The following IL1RAPL1 variants were observed in gnomAD, a reference collection of about 807,000 sequenced individuals.
IL1RAPL1 encodes the protein interleukin 1 receptor accessory protein like 1, also known as interleukin-1 receptor accessory protein-like 1.
Under a neutral mutation model 48.4 loss-of-function variants are expected in IL1RAPL1, and 3 were observed. The observed-to-expected ratio is 0.06, with a 90% CI of 0.03 to 0.16. IL1RAPL1 has a LOEUF of 0.16. Ranked by LOEUF, IL1RAPL1 falls within the 10% of genes least tolerant of loss-of-function variation. IL1RAPL1 has a pLI of 1.00. For synonymous variants in IL1RAPL1, 185 were observed against 187.7 expected, an observed-to-expected ratio of 0.99 and a Z score of 0.12; for missense variants, 349 against 530.6, an observed-to-expected ratio of 0.66 and a Z score of 3.36.
intron 1 of IL1RAPL1, among the ~76,000 whole-genome samples, chrX:28,597,155 G>C (rs1933964337): frequency 1.8e-5 from 2 of 111,327 alleles, no homozygotes; most frequent in African/African-American, 6.5e-5. Flanking sequence ...AAGAAGATAA[G>C]GCTGGAGCCC....
intron 8 of IL1RAPL1, among the ~76,000 whole-genome samples, chrX:29,941,392 TACCA>T (rs1933125082): frequency 8.9e-6 from 1 of 112,182 alleles, no homozygotes; most frequent in South Asian, 3.7e-4. Flanking sequence ...AAATGCAAGC[TACCA>T]ACCAAGGTTC....
intron 2 of IL1RAPL1, among the ~76,000 whole-genome samples, chrX:29,240,102 A>G (rs1399547615): frequency 1.9e-5 from 2 of 102,965 alleles, no homozygotes; most frequent in Non-Finnish European, 3.9e-5. Flanking sequence ...AGCCTAAAAT[A>G]TTCACAGGTT....
At chrX:29,818,363 G>A (rs774705660) in intron 6 of IL1RAPL1, among the ~76,000 whole-genome samples, 3 of 111,923 alleles carry the variant, frequency 2.7e-5, no homozygotes, top group Non-Finnish European at 3.8e-5. Context: ...CGAAAATAAT[G>A]AATAGAATTC....
At chrX:28,858,816 C>T (rs776388032) in intron 2 of IL1RAPL1, among the ~76,000 whole-genome samples, 23 of 112,080 alleles carry the variant, frequency 2.1e-4, no homozygotes, top group South Asian at 7.4e-4. Flanking sequence ...ATGGTGATAA[C>T]GGAAAGCAAT....
At chrX:28,878,450 C>T (rs1351947503) in intron 2 of IL1RAPL1, among the ~76,000 whole-genome samples, 1 of 111,708 alleles carries the variant, frequency 9.0e-6, no homozygotes. Flanking sequence ...GGTTGTATGC[C>T]GACTCAGGCG....
chrX:28,801,231 T>C (rs1390536675), intron 2 of IL1RAPL1, among the ~76,000 whole-genome samples: 1 of 111,347 alleles, frequency 9.0e-6, no homozygotes, highest in South Asian at 3.7e-4. Context: ...TTATGCTTTT[T>C]CTATTTAGGT....
intron 2 of IL1RAPL1, among the ~76,000 whole-genome samples, chrX:28,962,150 G>T (rs61054892): frequency 0.043 from 4,814 of 111,456 alleles, 114 homozygotes; most frequent in East Asian, 0.07. Flanking sequence ...ATTTTGCTAT[G>T]AGACCTGTCT....
In IL1RAPL1 at chrX:29,593,152, G is replaced by C. The variant is rs745342430; in HGVS notation, c.704-75278G>C. Reference sequence around the variant, plus strand: ...GTTTTGCTCAGATGGGCCCTGCTTGGTTGTCGTATTAGCCTGAGTGTCTAA... The same window carrying C: ...GTTTTGCTCAGATGGGCCCTGCTTGCTTGTCGTATTAGCCTGAGTGTCTAA... On this transcript the variant is annotated intron_variant, in intron 5 of 10. Transcript: ENST00000378993. 1.6e-3 allele frequency among the ~76,000 whole-genome samples: 177 copies of C among 111,381 alleles called. 1 individual carries two copies. The highest frequency in any genetic ancestry group is 5.5e-3 in the African/African-American group (170 of 30,689).
At chrX:29,519,574 A>G (rs1035209422) in intron 5 of IL1RAPL1, among the ~76,000 whole-genome samples, 4 of 112,139 alleles carry the variant, frequency 3.6e-5, no homozygotes, top group Non-Finnish European at 7.5e-5. Context: ...CTACTTGGCT[A>G]CTATAGACAG....
At chrX:28,864,191 C>T (rs1922022130) in intron 2 of IL1RAPL1, among the ~76,000 whole-genome samples, 2 of 112,001 alleles carry the variant, frequency 1.8e-5, no homozygotes, top group South Asian at 7.3e-4. Flanking sequence ...CCTAGAAAAG[C>T]AGTGATTTAG....
At chrX:29,392,310 C>G in intron 3 of IL1RAPL1, among the ~76,000 whole-genome samples, 1 of 112,188 alleles carries the variant, frequency 8.9e-6, no homozygotes, top group African/African-American at 3.2e-5. Context: ...TTACCCCATT[C>G]CACGTTATTT....
intron 1 of IL1RAPL1, among the ~76,000 whole-genome samples, chrX:28,614,307 T>G (rs1285018571): frequency 9.0e-6 from 1 of 110,962 alleles, no homozygotes; most frequent in Non-Finnish European, 1.9e-5. Flanking sequence ...GTAAAAACAC[T>G]GCACGGTTCC....
At chrX:29,891,607 C>T (rs1347557199) in intron 6 of IL1RAPL1, among the ~76,000 whole-genome samples, 2 of 111,158 alleles carry the variant, frequency 1.8e-5, no homozygotes, top group African/African-American at 6.5e-5. Flanking sequence ...CTGAGAGCTA[C>T]CTGAAAGATT....
rs752084497 is a variant in IL1RAPL1, at chrX:29,510,534, C to T, written c.703+111226C>T. 4.5e-5 allele frequency among the ~76,000 whole-genome samples: 5 copies of T among 112,109 alleles called. No homozygotes were observed. The Admixed American group carries it at 4.7e-4, about 11-fold the overall frequency. On this transcript the variant is annotated intron_variant, in intron 5 of 10. Coordinates refer to ENST00000378993, the MANE Select transcript of IL1RAPL1 (RefSeq NM_014271.4). ...CCCAATTAGACCATACATATACTTG[C>T]ATAGCCTCCCTCCTTTCATTATCTT...
Position 29,343,623 on chromosome X carries a change from C to T in IL1RAPL1, c.363-52635C>T, listed in dbSNP as rs778514624. Among the ~76,000 whole-genome samples the T allele has an allele frequency of 3.6e-5, 4 of 111,647 alleles. No individual in the cohort carries two copies. The South Asian group carries it at 1.5e-3, about 42-fold the overall frequency. ...TTCCTGAAAGTATGAAATAACATTA[C>T]GTGGTGGAGATATGGTTAAAAACAA... On this transcript the variant is annotated intron_variant, in intron 3 of 10. Transcript: ENST00000378993.
intron 1 of IL1RAPL1, among the ~76,000 whole-genome samples, chrX:28,682,848 C>G (rs920874850): frequency 1.8e-5 from 2 of 111,909 alleles, no homozygotes; most frequent in Admixed American, 9.5e-5. Context: ...AAAACTGTTA[C>G]AAGTTAAAGT....
chrX:29,103,270 A>G (rs1928381863), intron 2 of IL1RAPL1, among the ~76,000 whole-genome samples: 1 of 111,972 alleles, frequency 8.9e-6, no homozygotes, highest in Admixed American at 9.4e-5. Flanking sequence ...GCCTAGAAAT[A>G]GAAACATAGA....
intron 2 of IL1RAPL1, among the ~76,000 whole-genome samples, chrX:28,808,617 G>A (rs2147274821): frequency 9.0e-6 from 1 of 110,701 alleles, no homozygotes; most frequent in Admixed American, 9.7e-5. Flanking sequence ...ATTGGAATGG[G>A]TATTAAACAA....
chrX:29,295,182 T>C (rs1280557450), intron 3 of IL1RAPL1, among the ~76,000 whole-genome samples: 1 of 112,023 alleles, frequency 8.9e-6, no homozygotes, highest in Non-Finnish European at 1.9e-5. Flanking sequence ...CTGAGCTTCA[T>C]TGGATGTTGC....
Sources: allele counts gnomAD v4.1 joint callset (sites outside exome capture counted in the v4.1 genomes callset), GRCh38; gene constraint gnomAD v4.1.1; transcripts MANE v1.5; gene names NCBI Gene and HGNC (gene_info 2026-07-23, HGNC 2026-07-21).